NISCH: variants seen among roughly 807,000 people sequenced by gnomAD.
NISCH encodes the protein nischarin.
Under a neutral mutation model 138.4 loss-of-function variants are expected in NISCH, and 55 were observed. The ratio of observed to expected loss-of-function variants is 0.40; its 90% CI spans 0.32 to 0.50. The LOEUF (loss-of-function observed/expected upper bound fraction) is 0.50. Among genes scored for constraint, NISCH ranks in the 20% least tolerant of loss-of-function variants. The pLI, the probability that NISCH is intolerant of heterozygous loss-of-function variation, is 0.71. For synonymous variants in NISCH, 860 were observed against 861.5 expected, an observed-to-expected ratio of 1.00 and a Z score of 0.03; for missense variants, 1,643 against 2,005.5, an observed-to-expected ratio of 0.82 and a Z score of 3.45.
chr3:52,489,700 C>T (rs1455788614), intron 17 of NISCH, 22 bp downstream of exon 17: 1 of 1,602,078 alleles, frequency 6.2e-7, no homozygotes, highest in Non-Finnish European at 8.5e-7. Flanking sequence ...GGTGTGGGTG[C>T]CAGCTATGGC....
In NISCH at chr3:52,468,254, G is replaced by A. The variant is rs191295562; in HGVS notation, c.361-2605G>A. ...AGCCTGGGAGACAGAGCGAGACCCC[G>A]TCTCAAAAAAAAGAAGTGTGCCGTT... On this transcript the variant is annotated intron_variant, in intron 3 of 20. Transcript: ENST00000345716. 2.0e-5 allele frequency among the ~76,000 whole-genome samples: 3 copies of A among 152,166 alleles called. 1 individual carries two copies. Among genetic ancestry groups the A allele is most frequent in the Admixed American group, 2.0e-4 (3 of 15,298 alleles).
At chr3:52,461,403 G>A (rs1706628098) in intron 3 of NISCH, among the ~76,000 whole-genome samples, 1 of 152,126 alleles carries the variant, frequency 6.6e-6, no homozygotes, top group Admixed American at 6.6e-5. Context: ...TTCACAGATG[G>A]GACCTGTGTA....
At chr3:52,470,781 G>A in intron 3 of NISCH, 78 bp from the exon 4 acceptor site, 1 of 1,163,766 alleles carries the variant, frequency 8.6e-7, no homozygotes, top group Non-Finnish European at 1.3e-6. Flanking sequence ...ACAACAGAGG[G>A]GATAGATAGC....
intron 13 of NISCH, among the ~76,000 whole-genome samples, chr3:52,482,276 C>T (rs1465363417): frequency 6.6e-6 from 1 of 152,170 alleles, no homozygotes; most frequent in Non-Finnish European, 1.5e-5. Context: ...GAGAAGGGAG[C>T]CTGCTTGCGA....
intron 1 of NISCH, among the ~76,000 whole-genome samples, chr3:52,456,621 T>C (rs1016003522): frequency 6.6e-6 from 1 of 152,194 alleles, no homozygotes; most frequent in Non-Finnish European, 1.5e-5. Flanking sequence ...TGGGCCTGCC[T>C]GCACCTCCCC....
At chr3:52,476,687 C>A in intron 8 of NISCH, 88 bp downstream of exon 8, 1 of 1,295,698 alleles carries the variant, frequency 7.7e-7, no homozygotes, top group Non-Finnish European at 1.1e-6. Context: ...TTAGGAAGGA[C>A]CACGGAAAAC....
chr3:52,489,933 CTT>C, intron 17 of NISCH, 140 bp from the exon 18 acceptor site: 1 of 1,269,374 alleles, frequency 7.9e-7, no homozygotes. Context: ...CCACCCCTCT[CTT>C]CCTCTCTGCC....
Position 52,489,459 on chromosome 3 carries a change from G to A in NISCH, c.3237G>A (p.Glu1079=). The A allele has an allele frequency of 6.2e-7, 1 of 1,602,702 alleles. No homozygotes were observed. The highest frequency in any genetic ancestry group is 1.1e-5 in the South Asian group (1 of 90,866). ...SGPAKTPAPA[E]ASTSALVPEE... ...CAGCGAAGACTCCGGCCCCAGCAGA[G>A]GCCTCAACTTCAGCTTTGGTCCCAG... Residue 1079 remains glutamate, a synonymous_variant, in exon 17 of 21, where the codon GAG becomes GAA. Transcript: ENST00000345716.
chr3:52,464,517 CTT>C (rs71084185), intron 3 of NISCH, among the ~76,000 whole-genome samples: 257 of 75,786 alleles, frequency 3.4e-3, no homozygotes, highest in Middle Eastern at 0.043. Flanking sequence ...TGTGAGTTGT[CTT>C]TTTTTTTTTT....
At chr3:52,481,816 G>C (rs1291897921) in intron 13 of NISCH, 20 of 985,336 alleles carry the variant, frequency 2.0e-5, no homozygotes, top group Non-Finnish European at 2.4e-5. Flanking sequence ...GGGACACTCT[G>C]CAGAGGGGCA....
At chr3:52,463,303 G>A (rs1490225407) in intron 3 of NISCH, among the ~76,000 whole-genome samples, 2 of 152,166 alleles carry the variant, frequency 1.3e-5, no homozygotes, top group Admixed American at 6.5e-5. Flanking sequence ...CTTTTATGAC[G>A]GAGTAATAGT....
chr3:52,464,048 T>C (rs559835009), intron 3 of NISCH, among the ~76,000 whole-genome samples: 1 of 152,060 alleles, frequency 6.6e-6, no homozygotes, highest in South Asian at 2.1e-4. Context: ...TCATATGATA[T>C]TTGGCCATTT....
Position 52,487,702 on chromosome 3 carries a change from C to T in NISCH, c.2210C>T (p.Ala737Val). 1 of 1,613,742 alleles carries T rather than the reference C, an allele frequency of 6.2e-7. No homozygotes were observed. The highest frequency in any genetic ancestry group is 8.5e-7 in the Non-Finnish European group (1 of 1,180,016). The change falls in exon 16 of 21, where the codon GCA becomes GTA. Residue 737 changes from alanine (A) to valine (V), a missense_variant. Physicochemically the swap from Ala to Val is moderately conservative, Grantham distance 64 (BLOSUM62 0). Transcript: ENST00000345716. The surrounding 1 kb of genome is among the most constrained non-coding windows in gnomAD (Gnocchi z 9.1). ...ACLVLTDFGIAVFEIPHQESR... is the reference protein window; with the variant it reads ...ACLVLTDFGIVVFEIPHQESR... The stretch of plus-strand genomic sequence containing the variant: ...CTTGTGCTCACCGACTTCGGCATCG[C>T]AGTCTTCGAGATCCCGCACCAGGAG...
rs1004772629 is a variant in NISCH, at chr3:52,491,599, C to T, written c.3904+86C>T. On this transcript the variant is annotated intron_variant, in intron 20 of 20. Transcript: ENST00000345716. Reference sequence around the variant, plus strand: ...GTGGCTCTCTGTGCCCCAGAACCCTCTCTGCCTCTATGTCTCTCTTTTCTC... The same window carrying T: ...GTGGCTCTCTGTGCCCCAGAACCCTTTCTGCCTCTATGTCTCTCTTTTCTC... The T allele has an allele frequency of 2.8e-6, 4 of 1,416,844 alleles. No homozygotes were observed. In the African/African-American group the frequency reaches 5.7e-5, roughly 20 times the overall value. 87.8% of individuals were successfully genotyped at this position (1,416,844 alleles called of 1,614,324 possible).
intron 13 of NISCH, chr3:52,484,280 C>T: frequency 2.1e-6 from 1 of 469,996 alleles, no homozygotes; most frequent in South Asian, 3.7e-5. Context: ...TGCATTTATT[C>T]TCAGAATGCT....
chr3:52,492,183 C>T lies in NISCH; in HGVS notation c.4216C>T (p.Arg1406Trp), dbSNP rs751103205. The T allele has an allele frequency of 1.2e-5, 19 of 1,613,058 alleles. No individual in the cohort carries two copies. The highest frequency in any genetic ancestry group is 1.6e-4 in the Middle Eastern group (1 of 6,062). Residue 1406 changes from arginine to tryptophan, a missense_variant, in exon 21 of 21, where the codon CGG becomes TGG. Coordinates refer to ENST00000345716, the MANE Select transcript of NISCH (RefSeq NM_007184.4). ...AGAGCCGCCGCAGAGAGACAGGTAC[C>T]GGCTGGACGATGGCCGCCGCGTCCG... The part of the protein sequence containing the change: ...AKEPPQRDRY[R>W]LDDGRRVRDL...
At chr3:52,472,933 A>G (rs1211914302) in intron 6 of NISCH, among the ~76,000 whole-genome samples, 1 of 152,216 alleles carries the variant, frequency 6.6e-6, no homozygotes, top group Non-Finnish European at 1.5e-5. Flanking sequence ...TAATTTTTTG[A>G]GCATGGCTTT....
At chr3:52,484,850 TCC>T (rs975674630) in intron 14 of NISCH, among the ~76,000 whole-genome samples, 45 of 151,662 alleles carry the variant, frequency 3.0e-4, no homozygotes, top group African/African-American at 1.0e-3. Context: ...ATTTTCAGCC[TCC>T]CTCCTTCCCT....
At chr3:52,471,732 T>G (rs970900070) in intron 4 of NISCH, 82 bp from the exon 5 acceptor site, 1 of 1,400,870 alleles carries the variant, frequency 7.1e-7, no homozygotes, top group Admixed American at 2.2e-5. Context: ...AACTGCTTGT[T>G]GACAGAAAAG....
Sources: gnomAD v4.1 joint callset for allele counts (sites outside exome capture counted in the v4.1 genomes callset) on GRCh38, gnomAD v4.1.1 for gene constraint, Gnocchi (gnomAD v3.1) non-coding constraint, MANE v1.5 for transcripts, NCBI Gene and HGNC (gene_info 2026-07-23, HGNC 2026-07-21) for gene names.